Variants in HDAC4 observed in about 807,000 individuals in gnomAD.
The protein encoded by HDAC4 is histone deacetylase A.
HDAC4 carries 16 observed loss-of-function variants against 135.1 expected under a neutral mutation model. The observed-to-expected ratio is 0.12, with a 90% CI of 0.08 to 0.18. The LOEUF (loss-of-function observed/expected upper bound fraction) is 0.18. Ranked by LOEUF, HDAC4 falls within the 10% of genes least tolerant of loss-of-function variation. HDAC4 has a pLI of 1.00. For synonymous variants in HDAC4, 685 were observed against 653.4 expected (o/e 1.05, Z -0.74); for missense variants, 1,143 against 1,511.8 (o/e 0.76, Z 4.05).
chr2:239,088,515 T>C (rs2036200819), intron 18 of HDAC4, among the ~76,000 whole-genome samples: 1 of 152,232 alleles, frequency 6.6e-6, no homozygotes, highest in Non-Finnish European at 1.5e-5. Flanking sequence ...TGAGGGTCTG[T>C]AGTCCACGTA....
At chr2:239,076,332 G>A (rs1040554576) in intron 22 of HDAC4, among the ~76,000 whole-genome samples, 8 of 152,198 alleles carry the variant, frequency 5.3e-5, no homozygotes, top group East Asian at 1.9e-4. Flanking sequence ...TGTGCTCTGC[G>A]CAAGGGGCTG....
At chr2:239,260,070 G>A (rs2049263931) in intron 2 of HDAC4, among the ~76,000 whole-genome samples, 1 of 152,236 alleles carries the variant, frequency 6.6e-6, no homozygotes, top group Non-Finnish European at 1.5e-5. Context: ...TTTCCTAACT[G>A]CATGCCAGGC....
At chr2:239,136,067 A>G (rs1159088626) in intron 9 of HDAC4, among the ~76,000 whole-genome samples, 1 of 152,202 alleles carries the variant, frequency 6.6e-6, no homozygotes, top group Non-Finnish European at 1.5e-5. Context: ...TCACCACTAT[A>G]TCCCCTACAC....
chr2:239,357,888 CAAAAAAAA>C (rs71043188), intron 1 of HDAC4, among the ~76,000 whole-genome samples: 23 of 55,644 alleles, frequency 4.1e-4, no homozygotes, highest in African/African-American at 8.7e-4. Flanking sequence ...GCCTCTGTTC[CAAAAAAAA>C]AAAAAAAAAA....
intron 6 of HDAC4, among the ~76,000 whole-genome samples, chr2:239,160,883 C>A (rs979702711): frequency 4.6e-5 from 7 of 152,234 alleles, no homozygotes; most frequent in Non-Finnish European, 1.0e-4. Context: ...AAACTGCCTG[C>A]CTGTTTTCCC....
Position 239,350,251 on chromosome 2 carries a change from AAC to A in HDAC4, c.22+2425_22+2426del, listed in dbSNP as rs1345246915. Among the ~76,000 whole-genome samples, 11 of 152,230 alleles carry A rather than the reference AAC, an allele frequency of 7.2e-5. 1 individual carries two copies. The highest frequency in any genetic ancestry group is 7.2e-4 in the Admixed American group (11 of 15,288). ...GATAAGAGACCTGATCTACCAAAAG[AAC>A]AGTCATTAATTTTTAAGCTTTAAAA... On this transcript the variant is annotated intron_variant, in intron 2 of 26. Transcript: ENST00000543185.
chr2:239,287,263 C>T (rs1223903269), intron 2 of HDAC4, among the ~76,000 whole-genome samples: 1 of 152,214 alleles, frequency 6.6e-6, no homozygotes, highest in Non-Finnish European at 1.5e-5. Context: ...ACTCCTGAGG[C>T]TCCTTCGGCT....
chr2:239,126,803 C>T (rs2040221460), intron 11 of HDAC4, 109 bp from the exon 12 acceptor site: 1 of 1,229,584 alleles, frequency 8.1e-7, no homozygotes, highest in Non-Finnish European at 1.2e-6. Context: ...GCCCGCCAGC[C>T]CAGGCGTTCT....
intron 12 of HDAC4, among the ~76,000 whole-genome samples, chr2:239,125,331 T>A (rs1055054253): frequency 1.3e-5 from 2 of 152,160 alleles, no homozygotes; most frequent in East Asian, 3.9e-4. Flanking sequence ...TTGCTCCTGC[T>A]CTTGCCAAGT....
chr2:239,255,658 A>G (rs2049012805), intron 2 of HDAC4, among the ~76,000 whole-genome samples: 1 of 152,224 alleles, frequency 6.6e-6, no homozygotes, highest in African/African-American at 2.4e-5. Context: ...GAGGAAGAGG[A>G]GGCCACTGAA....
At position 239,313,161 on chromosome 2, in the gene HDAC4, C is replaced by T. The variant is rs2052967328; in HGVS notation, c.22+39517G>A. Reference sequence around the variant, plus strand: ...GAGGAGGAAGCTGCAGCCCGTTATCCACCGCCCAGTCTCTCCCTCTCACCA... The same window carrying T: ...GAGGAGGAAGCTGCAGCCCGTTATCTACCGCCCAGTCTCTCCCTCTCACCA... On this transcript the variant is annotated intron_variant, in intron 2 of 26. Transcript: ENST00000543185. This position sits in a 1 kb window ranked among gnomAD's most constrained non-coding sequence, Gnocchi z 5.1. Among the ~76,000 whole-genome samples the T allele has an allele frequency of 6.6e-6, 1 of 152,204 alleles. No homozygotes were observed. Among genetic ancestry groups the T allele is most frequent in the African/African-American group, 2.4e-5 (1 of 41,452 alleles).
At chr2:239,344,432 G>A (rs1692487870) in intron 2 of HDAC4, among the ~76,000 whole-genome samples, 1 of 152,124 alleles carries the variant, frequency 6.6e-6, no homozygotes, top group Non-Finnish European at 1.5e-5. Context: ...TCAGAGAATT[G>A]CCAAAACAAA....
In HDAC4 at chr2:239,129,971, G is replaced by A. The variant is rs185042095; in HGVS notation, c.1295-3277C>T. The stretch of plus-strand genomic sequence containing the variant: ...AGTTCCGGACCCAGTTTTGAAGAGC[G>A]GGTCTGCACACACTGGGATTCTGTT... On this transcript the variant is annotated intron_variant, in intron 11 of 26. Transcript: ENST00000543185. Among the ~76,000 whole-genome samples the A allele has an allele frequency of 5.3e-5, 8 of 152,252 alleles. No homozygotes were observed. The East Asian group carries it at 1.2e-3, about 22-fold the overall frequency.
intron 11 of HDAC4, 46 bp from the exon 12 acceptor site, chr2:239,126,740 G>A: frequency 1.3e-6 from 2 of 1,585,554 alleles, no homozygotes; most frequent in Non-Finnish European, 8.6e-7. Context: ...AGAGGAAGAA[G>A]AGAGGAGGGA....
chr2:239,218,449 T>C (rs868028423), intron 3 of HDAC4, among the ~76,000 whole-genome samples: 4 of 150,754 alleles, frequency 2.7e-5, no homozygotes, highest in East Asian at 2.0e-4. Context: ...CTTCCTTACA[T>C]CTTATATAAA....
Position 239,331,150 on chromosome 2 carries a change from G to A in HDAC4, c.22+21528C>T, listed in dbSNP as rs1047440767. On this transcript the variant is annotated intron_variant, in intron 2 of 26. Transcript: ENST00000543185. This position sits in a 1 kb window ranked among gnomAD's most constrained non-coding sequence, Gnocchi z 4.5. ...GCCCAGGAGGAAGCGGGGCTGATGG[G>A]CCATCGGAGCAAAGCGCGGCCAGCA... 7.2e-5 allele frequency among the ~76,000 whole-genome samples: 11 copies of A among 152,356 alleles called. No homozygotes were observed. Among genetic ancestry groups the A allele is most frequent in the Admixed American group, 7.2e-4 (11 of 15,304 alleles).
chr2:239,371,303 ACACT>A (rs1402461321), intron 1 of HDAC4, among the ~76,000 whole-genome samples: 6 of 152,136 alleles, frequency 3.9e-5, no homozygotes, highest in Non-Finnish European at 8.8e-5. Flanking sequence ...ACACTCACAC[ACACT>A]CTCACATAAC....
chr2:239,097,769 CCGT>C (rs200158896), intron 16 of HDAC4, among the ~76,000 whole-genome samples: 513 of 152,318 alleles, frequency 3.4e-3, no homozygotes, highest in African/African-American at 0.012. Context: ...TGCTTGCTGC[CCGT>C]CGTCTGTAGT....
At chr2:239,218,348 A>C (rs1575437746) in intron 3 of HDAC4, among the ~76,000 whole-genome samples, 1 of 151,910 alleles carries the variant, frequency 6.6e-6, no homozygotes, top group Admixed American at 6.6e-5. Context: ...GACAAACCTG[A>C]GAAAAACAAG....
Sources: allele counts gnomAD v4.1 joint callset (sites outside exome capture counted in the v4.1 genomes callset), GRCh38; gene constraint gnomAD v4.1.1; non-coding constraint Gnocchi (gnomAD v3.1); transcripts MANE v1.5; gene names NCBI Gene and HGNC (gene_info 2026-07-23, HGNC 2026-07-21).